PPP2R2D: variants seen among roughly 807,000 people sequenced by gnomAD.
PPP2R2D encodes the protein protein phosphatase 2 regulatory subunit Bdelta.
In PPP2R2D, 9 loss-of-function variants were observed where a neutral mutation model predicts 31.1. That is an observed-to-expected ratio of 0.29 (90% CI 0.17 to 0.51). The LOEUF is 0.51. PPP2R2D is among the 20% of genes least tolerant of loss of function. The pLI is 0.98. For synonymous variants in PPP2R2D, 179 were observed against 172.6 expected (o/e 1.04, Z -0.29); for missense variants, 391 against 465.6 (o/e 0.84, Z 1.48).
the PPP2R2D span, chr10:131,970,275 C>T: frequency 1.1e-3 from 277 of 256,636 alleles, 1 homozygote; most frequent in African/African-American, 6.0e-3. This position sits in a 1 kb window ranked among gnomAD's most constrained non-coding sequence, Gnocchi z 4.1. Flanking sequence ...AGACCCTCCA[C>T]CTACAGCAGA....
intron 2 of PPP2R2D, among the ~76,000 whole-genome samples, chr10:131,922,324 T>G (rs1439159188): frequency 1.3e-5 from 2 of 152,246 alleles, no homozygotes; most frequent in African/African-American, 4.8e-5. Flanking sequence ...GAGTGAATGT[T>G]AAGTATTCCT....
Position 131,947,272 on chromosome 10 carries a change from G to A in PPP2R2D, c.821-258G>A, listed in dbSNP as rs1434708855. 2.6e-5 allele frequency among the ~76,000 whole-genome samples: 4 copies of A among 152,178 alleles called. No individual in the cohort carries two copies. The highest frequency in any genetic ancestry group is 6.5e-5 in the Admixed American group (1 of 15,278). ...GCCTAGAGATTCTCATTCAGGGTCCGGGTGAGACTTGGGCGTCTACGCTTC... is the reference window on the plus strand; with the variant it reads ...GCCTAGAGATTCTCATTCAGGGTCCAGGTGAGACTTGGGCGTCTACGCTTC... On this transcript the variant is annotated intron_variant, in intron 7 of 8. Coordinates refer to ENST00000455566, the MANE Select transcript of PPP2R2D (RefSeq NM_018461.5). The surrounding 1 kb of genome is among the most constrained non-coding windows in gnomAD (Gnocchi z 4.3).
chr10:131,939,168 C>G (rs1554896845), intron 3 of PPP2R2D, among the ~76,000 whole-genome samples: 21 of 51,106 alleles, frequency 4.1e-4, no homozygotes, highest in Admixed American at 6.6e-4. Context: ...ATTCGGCAGA[C>G]CTGCTCCAGA....
intron 2 of PPP2R2D, 127 bp from the exon 3 acceptor site, chr10:131,934,331 T>G: frequency 1.6e-6 from 1 of 620,464 alleles, no homozygotes; most frequent in Non-Finnish European, 2.9e-6. Flanking sequence ...GCCAAGACAG[T>G]TTTGCTTTAG....
intron 3 of PPP2R2D, among the ~76,000 whole-genome samples, chr10:131,935,687 G>A (rs1186550883): frequency 2.0e-5 from 3 of 152,014 alleles, no homozygotes; most frequent in Admixed American, 2.0e-4. Flanking sequence ...TAAGTATATC[G>A]TTAATATTTC....
At chr10:131,940,457 T>G in intron 4 of PPP2R2D, 125 bp from the exon 5 acceptor site, 1 of 612,012 alleles carries the variant, frequency 1.6e-6, no homozygotes, top group Admixed American at 3.0e-5. Flanking sequence ...AATATTCATG[T>G]TCAGAGACCC....
intron 2 of PPP2R2D, among the ~76,000 whole-genome samples, chr10:131,904,854 A>T (rs960820731): frequency 9.2e-5 from 14 of 152,168 alleles, no homozygotes; most frequent in African/African-American, 3.1e-4. Context: ...GAAGTGAGTG[A>T]CATAGAAAAG....
chr10:131,910,690 C>T (rs951791080), intron 2 of PPP2R2D, among the ~76,000 whole-genome samples: 32 of 152,256 alleles, frequency 2.1e-4, no homozygotes, highest in South Asian at 2.1e-4. Flanking sequence ...TCCTCGGGCT[C>T]GTCAGTGATG....
At chr10:131,909,812 T>G (rs2035653748) in intron 2 of PPP2R2D, among the ~76,000 whole-genome samples, 1 of 152,242 alleles carries the variant, frequency 6.6e-6, no homozygotes, top group Non-Finnish European at 1.5e-5. Context: ...TATTTGAAAT[T>G]AAAACAGAAC....
chr10:131,955,970 G>A lies in PPP2R2D; in HGVS notation c.*7G>A, dbSNP rs782739982. The A allele has an allele frequency of 1.7e-5, 26 of 1,488,898 alleles. No homozygotes were observed. Among genetic ancestry groups the A allele is most frequent in the African/African-American group, 1.1e-4 (8 of 71,492 alleles). The allele number at this position is 1,488,898 out of a possible 1,614,324, so 92.2% of individuals were successfully genotyped here. ...CCAGGACAAAATCAACTAGAGACGC[G>A]AACGTGAGGACCAAGTCTTGTCTTG... is the stretch of plus-strand genomic sequence containing the variant. On this transcript the variant is annotated 3_prime_UTR_variant, in exon 9 of 9. Transcript: ENST00000455566.
intron 8 of PPP2R2D, among the ~76,000 whole-genome samples, chr10:131,955,033 A>G (rs924004219): frequency 3.9e-5 from 6 of 152,238 alleles, no homozygotes; most frequent in African/African-American, 9.6e-5. Context: ...ATGAAGTTAT[A>G]TCATGAGGAT....
intron 4 of PPP2R2D, 103 bp downstream of exon 4, chr10:131,940,299 AT>A (rs1554897035): frequency 1.8e-6 from 1 of 570,802 alleles, no homozygotes; most frequent in Non-Finnish European, 3.2e-6. Context: ...CCTGCTTTAA[AT>A]TTTGGGGGGA....
At chr10:131,913,183 A>ATTTT (rs2035712187) in intron 2 of PPP2R2D, among the ~76,000 whole-genome samples, 3 of 112,892 alleles carry the variant, frequency 2.7e-5, no homozygotes, top group African/African-American at 9.6e-5. Context: ...ATGCCCGGCT[A>ATTTT]ATTTTTTTTT....
chr10:131,910,575 T>A (rs1298976479), intron 2 of PPP2R2D, among the ~76,000 whole-genome samples: 1 of 152,000 alleles, frequency 6.6e-6, no homozygotes, highest in African/African-American at 2.4e-5. Context: ...GTTGGTCAGT[T>A]GTTCTTTCAA....
intron 2 of PPP2R2D, among the ~76,000 whole-genome samples, chr10:131,918,260 CAG>C (rs2035865081): frequency 2.1e-5 from 3 of 143,644 alleles, no homozygotes; most frequent in Admixed American, 6.9e-5. Context: ...TGGAATGACA[CAG>C]TGTTTGTAGG....
the PPP2R2D span, chr10:131,971,323 A>G: frequency 6.8e-6 from 2 of 293,538 alleles, no homozygotes; most frequent in South Asian, 4.0e-5. Context: ...TGACGGCAGC[A>G]CTGGTTATAA....
rs2035672903 is a variant in PPP2R2D at position 131,910,954 on chromosome 10, C to T, written c.100+9624C>T. On this transcript the variant is annotated intron_variant, in intron 2 of 8. Transcript: ENST00000455566. ...GAGGGGGGCCCACCCAGAGAGGACA[C>T]GGGAGCTCTGTGTCTCAGCCCCCGT... is the stretch of plus-strand genomic sequence containing the variant. Among the ~76,000 whole-genome samples, 5 of 152,316 alleles carry T rather than the reference C, an allele frequency of 3.3e-5. No homozygotes were observed. The South Asian group carries it at 8.3e-4, about 25-fold the overall frequency.
At position 131,945,317 on chromosome 10, in the gene PPP2R2D, T is replaced by C; in HGVS notation, c.678T>C (p.Ala226=). The C allele has an allele frequency of 6.2e-7, 1 of 1,614,072 alleles. No homozygotes were observed. The highest frequency in any genetic ancestry group is 8.5e-7 in the Non-Finnish European group (1 of 1,179,954). ...CAGACATCGTGGACATCAAGCCTGC[T>C]AACATGGAGGAGCTGACCGAAGTCA... is the stretch of plus-strand genomic sequence containing the variant. The part of the protein sequence containing the change: ...RSFNIVDIKP[A]NMEELTEVIT... The change falls in exon 7 of 9, where the codon GCT becomes GCC. Residue 226 remains alanine, a synonymous_variant. Coordinates refer to ENST00000455566, the MANE Select transcript of PPP2R2D (RefSeq NM_018461.5). This position sits in a 1 kb window ranked among gnomAD's most constrained non-coding sequence, Gnocchi z 4.8.
chr10:131,926,504 C>G (rs781837793), intron 2 of PPP2R2D, among the ~76,000 whole-genome samples: 42 of 152,142 alleles, frequency 2.8e-4, no homozygotes, highest in South Asian at 6.2e-4. Flanking sequence ...TAGTGAGACC[C>G]TGGCTCCACA....
Sources: gnomAD v4.1 joint callset for allele counts (sites outside exome capture counted in the v4.1 genomes callset) on GRCh38, gnomAD v4.1.1 for gene constraint, Gnocchi (gnomAD v3.1) non-coding constraint, MANE v1.5 for transcripts, NCBI Gene and HGNC (gene_info 2026-07-23, HGNC 2026-07-21) for gene names.